Variants in HMBOX1 observed in about 807,000 individuals in gnomAD.
HMBOX1 encodes homeobox-containing protein 1.
A neutral mutation model predicts 54.5 loss-of-function variants in HMBOX1; 14 were observed. The ratio of observed to expected loss-of-function variants is 0.26; its 90% CI spans 0.17 to 0.40. HMBOX1 has a LOEUF of 0.40. HMBOX1 is among the 10% of genes least tolerant of loss of function. HMBOX1 has a pLI of 1.00. For synonymous variants in HMBOX1, 160 were observed against 181.0 expected (o/e 0.88, Z 0.93); for missense variants, 332 against 514.4 (o/e 0.65, Z 3.43).
intron 6 of HMBOX1, among the ~76,000 whole-genome samples, chr8:29,020,398 C>T (rs1179036972): frequency 6.6e-6 from 1 of 151,974 alleles, no homozygotes; most frequent in African/African-American, 2.4e-5. Flanking sequence ...AGGTGATATT[C>T]CTAATGTACT....
chr8:29,005,630 A>G (rs1042097863), intron 4 of HMBOX1, among the ~76,000 whole-genome samples: 2 of 152,182 alleles, frequency 1.3e-5, no homozygotes, highest in Non-Finnish European at 2.9e-5. Context: ...GACACTTAAA[A>G]GTCAAGTTAG....
At position 29,018,921 on chromosome 8, in the gene HMBOX1, T is replaced by C. The variant is rs755324734; in HGVS notation, c.851+8T>C. ...CCTGGCTGTTATGGAAAGGTATGTGTCTCCTTTTTCTACGAATGATCTCCC... is the reference window on the plus strand; with the variant it reads ...CCTGGCTGTTATGGAAAGGTATGTGCCTCCTTTTTCTACGAATGATCTCCC... On this transcript the variant is annotated splice_region_variant and intron_variant, in intron 6 of 9. Coordinates refer to ENST00000287701, the MANE Select transcript of HMBOX1 (RefSeq NM_001135726.3). 6.2e-7 allele frequency: 1 copy of C among 1,613,466 alleles called. No homozygotes were observed. Among genetic ancestry groups the C allele is most frequent in the Non-Finnish European group, 8.5e-7 (1 of 1,179,618 alleles).
At chr8:29,029,165 C>T (rs552403723) in intron 6 of HMBOX1, among the ~76,000 whole-genome samples, 7 of 152,044 alleles carry the variant, frequency 4.6e-5, no homozygotes, top group Admixed American at 1.3e-4. Context: ...TGTTTTTCTT[C>T]CTTAGCAGTA....
At chr8:29,014,065 G>A (rs1173588268) in intron 5 of HMBOX1, among the ~76,000 whole-genome samples, 1 of 107,344 alleles carries the variant, frequency 9.3e-6, no homozygotes, top group Non-Finnish European at 1.9e-5. Context: ...TATGGATGGC[G>A]TAGTAATGAT....
chr8:29,013,197 G>T (rs770799136), intron 5 of HMBOX1, among the ~76,000 whole-genome samples: 5 of 152,102 alleles, frequency 3.3e-5, no homozygotes, highest in Admixed American at 6.5e-5. Flanking sequence ...GTGCAGTGGC[G>T]CAATCTTGGC....
intron 1 of HMBOX1, among the ~76,000 whole-genome samples, chr8:28,904,903 C>A (rs1813982250): frequency 6.6e-6 from 1 of 151,902 alleles, no homozygotes; most frequent in Non-Finnish European, 1.5e-5. Context: ...TCTCGATCTC[C>A]TGACCTCGTG....
At chr8:28,904,422 G>A (rs1053387006) in intron 1 of HMBOX1, among the ~76,000 whole-genome samples, 4 of 151,816 alleles carry the variant, frequency 2.6e-5, no homozygotes, top group Admixed American at 6.6e-5. Context: ...TAGTAGAGAC[G>A]AGGTTTCACC....
intron 1 of HMBOX1, among the ~76,000 whole-genome samples, chr8:28,918,331 G>A (rs1816931028): frequency 6.6e-6 from 1 of 152,164 alleles, no homozygotes; most frequent in South Asian, 2.1e-4. Context: ...AGCTTCCCAA[G>A]TAGCTGGGGC....
intron 6 of HMBOX1, among the ~76,000 whole-genome samples, chr8:29,021,321 A>G (rs1289911704): frequency 6.6e-6 from 1 of 152,198 alleles, no homozygotes; most frequent in African/African-American, 2.4e-5. Flanking sequence ...AATGGGAAAA[A>G]TATTTCCTAA....
At chr8:29,043,483 G>C (rs868187075) in intron 6 of HMBOX1, among the ~76,000 whole-genome samples, 2 of 152,210 alleles carry the variant, frequency 1.3e-5, no homozygotes, top group East Asian at 3.8e-4. Flanking sequence ...ATGTCTCTCT[G>C]TAGTAGACTG....
At chr8:28,940,998 T>A (rs1318993249) in intron 1 of HMBOX1, among the ~76,000 whole-genome samples, 2 of 152,334 alleles carry the variant, frequency 1.3e-5, no homozygotes, top group South Asian at 2.1e-4. Context: ...TCTAATTCTT[T>A]TATATTTTAC....
At position 28,948,972 on chromosome 8, in the gene HMBOX1, A is replaced by G. The variant is rs142846166; in HGVS notation, c.-57-14839A>G. Among the ~76,000 whole-genome samples, 338 of 152,308 alleles carry G rather than the reference A, an allele frequency of 2.2e-3. 1 individual carries two copies. Among genetic ancestry groups the G allele is most frequent in the African/African-American group, 7.8e-3 (326 of 41,568 alleles). ...TTATTATACTCTGCCTGCAAAGCAA[A>G]GAGAGTAGAGGTTTCAAAGCCACAT... is the stretch of plus-strand genomic sequence containing the variant. On this transcript the variant is annotated intron_variant, in intron 1 of 9. Coordinates refer to ENST00000287701, the MANE Select transcript of HMBOX1 (RefSeq NM_001135726.3).
intron 1 of HMBOX1, among the ~76,000 whole-genome samples, chr8:28,921,797 T>A (rs1817610203): frequency 6.6e-6 from 1 of 152,184 alleles, no homozygotes; most frequent in South Asian, 2.1e-4. Context: ...ACTAAATAAG[T>A]AAAATACAAA....
At chr8:28,893,722 A>C (rs928186111) in intron 1 of HMBOX1, among the ~76,000 whole-genome samples, 2 of 152,208 alleles carry the variant, frequency 1.3e-5, no homozygotes, top group Non-Finnish European at 2.9e-5. Context: ...CAACCAGCTT[A>C]TGGCAATTTT....
intron 2 of HMBOX1, among the ~76,000 whole-genome samples, chr8:28,968,223 T>G (rs1472435320): frequency 6.6e-6 from 1 of 152,198 alleles, no homozygotes; most frequent in Non-Finnish European, 1.5e-5. Context: ...GTTAAGTCAA[T>G]AAAAATTCTA....
At chr8:29,003,498 A>G (rs199589387) in intron 4 of HMBOX1, among the ~76,000 whole-genome samples, 250 of 3,616 alleles carry the variant, frequency 0.069, no homozygotes, top group Middle Eastern at 0.17. Flanking sequence ...GTGTGTGTGT[A>G]TATATATATA....
intron 1 of HMBOX1, among the ~76,000 whole-genome samples, chr8:28,893,261 A>G (rs1266959249): frequency 6.6e-6 from 1 of 152,208 alleles, no homozygotes; most frequent in Non-Finnish European, 1.5e-5. Context: ...CCTTTACTGC[A>G]GGTTAAAGCA....
At chr8:28,954,046 A>AT (rs978027147) in intron 1 of HMBOX1, among the ~76,000 whole-genome samples, 4 of 151,960 alleles carry the variant, frequency 2.6e-5, no homozygotes, top group Non-Finnish European at 5.9e-5. Flanking sequence ...GTTTCATGAT[A>AT]TTTTTTACCT....
At chr8:28,939,211 C>G (rs13258689) in intron 1 of HMBOX1, among the ~76,000 whole-genome samples, 1 of 151,050 alleles carries the variant, frequency 6.6e-6, no homozygotes, top group African/African-American at 2.4e-5. Flanking sequence ...ATTGCTTGAA[C>G]CTGGGAGGCA....
Sources: allele counts gnomAD v4.1 joint callset (sites outside exome capture counted in the v4.1 genomes callset), GRCh38; gene constraint gnomAD v4.1.1; transcripts MANE v1.5; gene names NCBI Gene and HGNC (gene_info 2026-07-23, HGNC 2026-07-21).